ITPKB: variants seen among roughly 807,000 people sequenced by gnomAD.
ITPKB encodes the protein IP3 3-kinase B.
Under a neutral mutation model 69.4 loss-of-function variants are expected in ITPKB, and 13 were observed. That is an observed-to-expected ratio of 0.19 (90% CI 0.12 to 0.30). ITPKB has a LOEUF of 0.30. Among genes scored for constraint, ITPKB ranks in the 10% least tolerant of loss-of-function variants. The pLI, the probability that ITPKB is intolerant of heterozygous loss-of-function variation, is 1.00. For missense variants in ITPKB, 1,240 were observed against 1,250.5 expected (o/e 0.99, Z 0.13); for synonymous variants, 584 against 513.7 (o/e 1.14, Z -1.85).
intron 2 of ITPKB, chr1:226,708,005 A>G (rs1656849003): frequency 1.4e-6 from 1 of 729,464 alleles, no homozygotes; most frequent in African/African-American, 1.9e-5. Context: ...ACTACCCACC[A>G]AAGGTAGGAG....
chr1:226,701,411 T>C (rs1386678548), intron 2 of ITPKB, among the ~76,000 whole-genome samples: 1 of 151,568 alleles, frequency 6.6e-6, no homozygotes, highest in East Asian at 1.9e-4. Flanking sequence ...GAGACCATCC[T>C]GGCTAACACG....
intron 2 of ITPKB, 103 bp from the exon 3 acceptor site, chr1:226,648,874 T>C (rs965912581): frequency 1.2e-6 from 1 of 827,282 alleles, no homozygotes; most frequent in Non-Finnish European, 2.1e-6. Context: ...GGCCACAAGA[T>C]GGGAAGGGCC....
chr1:226,737,971 C>T (rs370836280), intron 1 of ITPKB, among the ~76,000 whole-genome samples: 2 of 152,218 alleles, frequency 1.3e-5, no homozygotes, highest in African/African-American at 4.8e-5. Context: ...AGGTCCAAGT[C>T]CTTGGCTCCT....
chr1:226,697,776 C>G (rs891896694), intron 2 of ITPKB, among the ~76,000 whole-genome samples: 1 of 152,186 alleles, frequency 6.6e-6, no homozygotes, highest in Admixed American at 6.5e-5. Flanking sequence ...GTCCTCTGCA[C>G]CAACCCAGAA....
intron 2 of ITPKB, among the ~76,000 whole-genome samples, chr1:226,699,414 C>T (rs923847643): frequency 3.3e-5 from 5 of 152,236 alleles, no homozygotes; most frequent in Admixed American, 6.5e-5. Context: ...CCCAACAGTG[C>T]GGCCAGGCAG....
chr1:226,715,529 A>G (rs1028051425), intron 2 of ITPKB, among the ~76,000 whole-genome samples: 1 of 152,264 alleles, frequency 6.6e-6, no homozygotes, highest in Non-Finnish European at 1.5e-5. Context: ...AAATTTTATA[A>G]CAATGATGCC....
chr1:226,729,737 C>G (rs1657533961), intron 2 of ITPKB, among the ~76,000 whole-genome samples: 1 of 151,722 alleles, frequency 6.6e-6, no homozygotes, highest in South Asian at 2.1e-4. Flanking sequence ...TGCCACCATG[C>G]CCGGCTAACT....
intron 5 of ITPKB, among the ~76,000 whole-genome samples, chr1:226,640,959 A>C (rs1668948393): frequency 6.6e-6 from 1 of 152,144 alleles, no homozygotes; most frequent in Admixed American, 6.5e-5. Flanking sequence ...CGGCTGCCCA[A>C]CCCTGACTCC....
rs375619416 is a variant in ITPKB at position 226,647,748 on chromosome 1, T to C, written c.2033-368A>G. ...CCTGCTTCTCGGCAACGAAGGTGTC[T>C]CCTGGCCTCAGTAGAGAAACCCTGA... is the stretch of plus-strand genomic sequence containing the variant. On this transcript the variant is annotated intron_variant, in intron 3 of 7. Transcript: ENST00000429204. Among the ~76,000 whole-genome samples the C allele has an allele frequency of 2.3e-4, 35 of 152,374 alleles. 2 individuals carry two copies. The South Asian group carries it at 7.2e-3, about 32-fold the overall frequency.
chr1:226,720,966 C>T (rs969732947), intron 2 of ITPKB, among the ~76,000 whole-genome samples: 1 of 150,880 alleles, frequency 6.6e-6, no homozygotes, highest in South Asian at 2.1e-4. Flanking sequence ...CGCTTGAACC[C>T]GGGCAGCAGA....
Position 226,631,860 on chromosome 1 carries a change from C to T in ITPKB, c.*2811G>A, listed in dbSNP as rs150439183. 244 of 152,320 alleles carry T rather than the reference C, an allele frequency of 1.6e-3. 4 individuals are homozygous for T. Among genetic ancestry groups the T allele is most frequent in the East Asian group, 5.8e-3 (30 of 5,166 alleles). 9.4% of individuals were successfully genotyped at this position (152,320 alleles called of 1,614,324 possible). A position where few individuals can be genotyped will look rare whatever the true frequency, so the allele number is the denominator to read the frequency against. Reference sequence around the variant, plus strand: ...TCTCCTCCAGAACAAAAGGCACTGACGAGGTGACCACCCCAGAGCCAGGGG... The same window carrying T: ...TCTCCTCCAGAACAAAAGGCACTGATGAGGTGACCACCCCAGAGCCAGGGG... On this transcript the variant is annotated 3_prime_UTR_variant, in exon 8 of 8. Transcript: ENST00000429204.
At chr1:226,699,589 A>G (rs1477729227) in intron 2 of ITPKB, among the ~76,000 whole-genome samples, 1 of 152,256 alleles carries the variant, frequency 6.6e-6, no homozygotes, top group African/African-American at 2.4e-5. Flanking sequence ...AAATATTCAA[A>G]CCACTTAGAA....
At chr1:226,640,617 C>G (rs928485050) in intron 5 of ITPKB, among the ~76,000 whole-genome samples, 2 of 152,074 alleles carry the variant, frequency 1.3e-5, no homozygotes, top group Non-Finnish European at 1.5e-5. Context: ...TAGACAGAGA[C>G]CAGGAGCACA....
At chr1:226,729,286 A>G (rs1001096570) in intron 2 of ITPKB, among the ~76,000 whole-genome samples, 1 of 152,158 alleles carries the variant, frequency 6.6e-6, no homozygotes, top group African/African-American at 2.4e-5. Context: ...GATAGAGACC[A>G]TCCTGGCCAA....
At chr1:226,645,351 C>G (rs1337225881) in intron 4 of ITPKB, among the ~76,000 whole-genome samples, 1 of 151,616 alleles carries the variant, frequency 6.6e-6, no homozygotes, top group Non-Finnish European at 1.5e-5. Context: ...CACTCTAGAT[C>G]TCTCTTGAGA....
At chr1:226,647,480 G>C in intron 3 of ITPKB, 100 bp from the exon 4 acceptor site, 1 of 824,980 alleles carries the variant, frequency 1.2e-6, no homozygotes, top group Non-Finnish European at 2.0e-6. Context: ...GGATGGCTAA[G>C]CCTGGGGCTG....
chr1:226,736,209 G>A lies in ITPKB; in HGVS notation c.1250C>T (p.Ala417Val), dbSNP rs1386258603. Residue 417 changes from alanine (A) to valine (V), a missense_variant, in exon 2 of 8, where the codon GCC (alanine) becomes GTC (valine). This residue lies in a region of ITPKB where 992 missense variants were observed against 853.8 expected (regional missense o/e 1.16). Transcript: ENST00000429204. The part of the protein sequence containing the change: ...DSLSWSRLPR[A>V]LASVGPEEAR... ...CTCCTCAGGGCCTACGGAGGCCAGG[G>A]CCCTGGGCAGCCTGGACCAGCTCAG... is the stretch of plus-strand genomic sequence containing the variant. 2 of 1,534,956 alleles carry A rather than the reference G, an allele frequency of 1.3e-6. No homozygotes were observed. Among genetic ancestry groups the A allele is most frequent in the South Asian group, 2.6e-5 (2 of 77,390 alleles).
intron 2 of ITPKB, among the ~76,000 whole-genome samples, chr1:226,714,544 T>C (rs530573985): frequency 2.0e-5 from 3 of 152,340 alleles, no homozygotes; most frequent in East Asian, 3.8e-4. Context: ...AAAGGGTCTA[T>C]AGAAAACTAC....
chr1:226,658,555 C>A (rs1234090904), intron 2 of ITPKB, among the ~76,000 whole-genome samples: 1 of 152,202 alleles, frequency 6.6e-6, no homozygotes, highest in East Asian at 1.9e-4. Flanking sequence ...GACTAACTGC[C>A]TTTCCCCCTT....
Sources: gnomAD v4.1 joint callset for allele counts (sites outside exome capture counted in the v4.1 genomes callset) on GRCh38, gnomAD v4.1.1 for gene constraint, gnomAD v4.1.1 regional missense constraint, MANE v1.5 for transcripts, NCBI Gene and HGNC (gene_info 2026-07-23, HGNC 2026-07-21) for gene names.